The following AKR1C3 variants were observed in gnomAD, a reference collection of about 807,000 sequenced individuals.
AKR1C3 encodes 3-alpha hydroxysteroid dehydrogenase, type II.
In AKR1C3, 48 loss-of-function variants were observed where a neutral mutation model predicts 43.6. That is an observed-to-expected ratio of 1.10 (90% CI 0.87 to 1.40). The LOEUF is 1.40. Among genes scored for constraint, AKR1C3 ranks in the 40% most tolerant of loss-of-function variants. The pLI is 0.00. For synonymous variants in AKR1C3, 162 were observed against 139.6 expected (o/e 1.16, Z -1.13); for missense variants, 482 against 391.2 (o/e 1.23, Z -1.96).
chr10:5,051,942 A>G (rs937903163), intron 1 of AKR1C3, among the ~76,000 whole-genome samples: 1 of 152,170 alleles, frequency 6.6e-6, no homozygotes, highest in Non-Finnish European at 1.5e-5. Context: ...CATTAGCTCA[A>G]AAAGGATGAT....
intron 5 of AKR1C3, among the ~76,000 whole-genome samples, chr10:5,101,267 AT>A (rs1170132671): frequency 6.6e-6 from 1 of 152,204 alleles, no homozygotes; most frequent in African/African-American, 2.4e-5. Context: ...TCCATGACAA[AT>A]TTTCACATAT....
At chr10:5,105,474 T>C in intron 7 of AKR1C3, 121 bp from the exon 8 acceptor site, 1 of 714,298 alleles carries the variant, frequency 1.4e-6, no homozygotes, top group Non-Finnish European at 2.3e-6. Flanking sequence ...TAGAGCTGAC[T>C]TCTATAACTG....
At chr10:5,105,061 T>G (rs1251728196) in intron 7 of AKR1C3, among the ~76,000 whole-genome samples, 3 of 152,160 alleles carry the variant, frequency 2.0e-5, no homozygotes, top group African/African-American at 7.2e-5. Context: ...CTCTCAAATT[T>G]AGAGAGTAAG....
intron 1 of AKR1C3, among the ~76,000 whole-genome samples, chr10:5,052,783 T>A (rs111503546): frequency 6.6e-6 from 1 of 151,498 alleles, no homozygotes; most frequent in African/African-American, 2.4e-5. Flanking sequence ...CCCACCAGAG[T>A]AGCTAGATAC....
Position 5,098,848 on chromosome 10 carries a change from T to G in AKR1C3, c.416T>G (p.Phe139Cys). Residue 139 changes from phenylalanine (F) to cysteine (C), a missense_variant, in exon 4 of 9, where the codon TTT becomes TGT. Coordinates refer to ENST00000380554, the MANE Select transcript of AKR1C3 (RefSeq NM_003739.6). ...SPTDENGKVI[F>C]DIVDLCTTWE... Reference sequence around the variant, plus strand: ...ACAGATGAAAATGGAAAAGTAATATTTGACATAGTGGATCTCTGTACCACC... The same window carrying G: ...ACAGATGAAAATGGAAAAGTAATATGTGACATAGTGGATCTCTGTACCACC... The G allele has an allele frequency of 6.2e-7, 1 of 1,613,798 alleles. No individual in the cohort carries two copies. Among genetic ancestry groups the G allele is most frequent in the Non-Finnish European group, 8.5e-7 (1 of 1,179,892 alleles).
chr10:5,098,779 TA>T (rs1554785532), intron 3 of AKR1C3, 22 bp from the exon 4 acceptor site: 1 of 1,607,816 alleles, frequency 6.2e-7, no homozygotes, highest in African/African-American at 1.3e-5. Flanking sequence ...GTGACATCAT[TA>T]AAATGACTGC....
chr10:5,094,642 T>C, intron 1 of AKR1C3, 114 bp downstream of exon 1: 1 of 1,181,170 alleles, frequency 8.5e-7, no homozygotes, highest in Non-Finnish European at 1.2e-6. Flanking sequence ...GACTCACTGG[T>C]CTAGGTTTCC....
At chr10:5,065,933 C>T (rs1260202557) in intron 1 of AKR1C3, among the ~76,000 whole-genome samples, 1 of 152,032 alleles carries the variant, frequency 6.6e-6, no homozygotes, top group Non-Finnish European at 1.5e-5. Flanking sequence ...GGTGTAGTTT[C>T]TACCTATTGA....
chr10:5,051,538 A>G (rs1317354680), intron 1 of AKR1C3, among the ~76,000 whole-genome samples: 5 of 152,196 alleles, frequency 3.3e-5, no homozygotes, highest in Admixed American at 3.3e-4. Flanking sequence ...CTTAACATCC[A>G]CACTAATGGC....
At chr10:5,070,357 T>C (rs1409067343) in intron 1 of AKR1C3, among the ~76,000 whole-genome samples, 4 of 152,054 alleles carry the variant, frequency 2.6e-5, no homozygotes, top group Non-Finnish European at 4.4e-5. Flanking sequence ...AAAGAAATAA[T>C]GAAGCAACAA....
At chr10:5,102,279 CAGTTTCCTGTAGTTA>C (rs1214854750) in intron 6 of AKR1C3, 69 bp downstream of exon 6, 16 of 1,575,724 alleles carry the variant, frequency 1.0e-5, no homozygotes, top group Admixed American at 1.7e-5. Flanking sequence ...AGAGCATCCT[CAGTTTCCTGTAGTTA>C]AGTTTCAAGT....
At chr10:5,100,784 TA>T (rs1163473849) in intron 5 of AKR1C3, among the ~76,000 whole-genome samples, 1 of 152,208 alleles carries the variant, frequency 6.6e-6, no homozygotes, top group African/African-American at 2.4e-5. Flanking sequence ...TTTATTATGA[TA>T]ATTTTCAAAC....
chr10:5,063,373 G>T (rs1251209424), intron 1 of AKR1C3, among the ~76,000 whole-genome samples: 4 of 151,982 alleles, frequency 2.6e-5, no homozygotes, highest in African/African-American at 9.7e-5. Context: ...GAATAACTGT[G>T]TTAGAATATA....
chr10:5,107,579 G>T lies in AKR1C3; in HGVS notation c.*76G>T. ...ACGCAGAGGACGTCTCTATGCCGGT[G>T]ACTGGACATATCACCTCTACTTAAA... On this transcript the variant is annotated 3_prime_UTR_variant, in exon 9 of 9. Coordinates refer to ENST00000380554, the MANE Select transcript of AKR1C3 (RefSeq NM_003739.6). The T allele has an allele frequency of 1.7e-6, 2 of 1,189,696 alleles. No individual in the cohort carries two copies. The highest frequency in any genetic ancestry group is 2.5e-5 in the South Asian group (2 of 78,652). The allele number at this position is 1,189,696 out of a possible 1,614,324, so 73.7% of individuals were successfully genotyped here.
At chr10:5,085,028 G>A (rs1838931294) in intron 1 of AKR1C3, among the ~76,000 whole-genome samples, 1 of 152,146 alleles carries the variant, frequency 6.6e-6, no homozygotes, top group African/African-American at 2.4e-5. Context: ...TGCAAACAGG[G>A]ACAATTTGAC....
In AKR1C3 at chr10:5,096,424, A is replaced by T; in HGVS notation, c.99A>T (p.Lys33Asn). The T allele has an allele frequency of 6.2e-7, 1 of 1,613,112 alleles. No homozygotes were observed. The highest frequency in any genetic ancestry group is 8.5e-7 in the Non-Finnish European group (1 of 1,179,348). Residue 33 changes from lysine (K) to asparagine (N), a missense_variant, in exon 2 of 9, where the codon AAA becomes AAT. Coordinates refer to ENST00000380554, the MANE Select transcript of AKR1C3 (RefSeq NM_003739.6). ...TYAPPEVPRS[K>N]ALEVTKLAIE... ...TGCTCCTCCAGGTTCCGAGAAGTAA[A>T]GCTTTGGAGGTCACAAAATTAGCAA...
At chr10:5,075,904 T>A (rs1554781788) in intron 1 of AKR1C3, among the ~76,000 whole-genome samples, 1 of 144,694 alleles carries the variant, frequency 6.9e-6, no homozygotes, top group Non-Finnish European at 1.5e-5. Flanking sequence ...AATATGGGAG[T>A]CACGGGGGCT....
chr10:5,078,005 G>C (rs539190936), intron 1 of AKR1C3: 2 of 682,916 alleles, frequency 2.9e-6, no homozygotes, highest in Non-Finnish European at 5.3e-6. Flanking sequence ...TCTAAGATGT[G>C]ACATTGTCAG....
intron 1 of AKR1C3, chr10:5,077,694 C>G (rs1345526042): frequency 8.8e-7 from 1 of 1,132,142 alleles, no homozygotes; most frequent in East Asian, 4.5e-5. Flanking sequence ...GCCATTGAAA[C>G]TAACCAAACA....
Sources: gnomAD v4.1 joint callset for allele counts (sites outside exome capture counted in the v4.1 genomes callset) on GRCh38, gnomAD v4.1.1 for gene constraint, MANE v1.5 for transcripts, NCBI Gene and HGNC (gene_info 2026-07-23, HGNC 2026-07-21) for gene names.